Variants in SNX29 observed in about 807,000 individuals in gnomAD.
SNX29 encodes sorting nexin 29, also known as sorting nexin-29.
SNX29 carries 78 observed loss-of-function variants against 102.1 expected under a neutral mutation model. The observed-to-expected ratio is 0.76, with a 90% confidence interval of 0.64 to 0.92. The LOEUF is 0.92. SNX29 is among the 40% of genes least tolerant of loss of function. SNX29 has a pLI of 0.00. For missense variants in SNX29, 1,280 were observed against 1,061.7 expected (o/e 1.21, Z -2.86); for synonymous variants, 580 against 414.5 (o/e 1.40, Z -4.85).
chr16:12,036,280 G>A (rs2057469329), intron 4 of SNX29, among the ~76,000 whole-genome samples: 1 of 149,416 alleles, frequency 6.7e-6, no homozygotes, highest in South Asian at 2.1e-4. Flanking sequence ...TTAGAGATGG[G>A]TTCTTACTAT....
rs1270794104 is a variant in SNX29, at chr16:12,571,906, C to T, written c.*3277C>T. 4 of 1,062,042 alleles carry T rather than the reference C, an allele frequency of 3.8e-6. No individual in the cohort carries two copies. The highest frequency in any genetic ancestry group is 4.6e-6 in the Non-Finnish European group (4 of 877,292). 65.8% of individuals were successfully genotyped at this position (1,062,042 alleles called of 1,614,324 possible). ...CTGAGGTTCAAAGCCCCCTGCATTT[C>T]TCTACTGGCAGGCCCTGGTGAAGGA... On this transcript the variant is annotated 3_prime_UTR_variant, in exon 21 of 21. Transcript: ENST00000566228.
chr16:12,481,633 C>G (rs1423477667), intron 19 of SNX29, among the ~76,000 whole-genome samples: 1 of 151,882 alleles, frequency 6.6e-6, no homozygotes, highest in Non-Finnish European at 1.5e-5. Context: ...CTCCTGGGTT[C>G]AAGTGATTAT....
chr16:12,258,189 A>G (rs1596654741), intron 14 of SNX29, among the ~76,000 whole-genome samples: 1 of 152,054 alleles, frequency 6.6e-6, no homozygotes, highest in East Asian at 1.9e-4. Context: ...TCCTGAGAAT[A>G]AGATATGAAG....
At chr16:11,992,582 G>T in intron 1 of SNX29, among the ~76,000 whole-genome samples, 1 of 150,632 alleles carries the variant, frequency 6.6e-6, no homozygotes, top group Middle Eastern at 3.4e-3. Flanking sequence ...GTTCCCAATT[G>T]TTCAGTGAGC....
intron 18 of SNX29, among the ~76,000 whole-genome samples, chr16:12,431,088 G>A (rs1024323437): frequency 6.6e-6 from 1 of 152,144 alleles, no homozygotes; most frequent in Non-Finnish European, 1.5e-5. Context: ...CTGATCTCAG[G>A]TGATCCACCC....
chr16:12,110,214 G>A (rs2053448736), intron 11 of SNX29, among the ~76,000 whole-genome samples: 1 of 152,054 alleles, frequency 6.6e-6, no homozygotes, highest in East Asian at 1.9e-4. Flanking sequence ...CTGCATCCCT[G>A]CTTGGAGATA....
At chr16:12,324,331 G>A (rs970459295) in intron 15 of SNX29, among the ~76,000 whole-genome samples, 4 of 152,224 alleles carry the variant, frequency 2.6e-5, no homozygotes, top group African/African-American at 9.6e-5. Flanking sequence ...GTCCCAGGAG[G>A]ACTGGGAGGA....
chr16:12,206,256 A>G (rs2077041318), intron 14 of SNX29, among the ~76,000 whole-genome samples: 2 of 152,110 alleles, frequency 1.3e-5, no homozygotes. Flanking sequence ...ATCTGCCTTC[A>G]GGGATGGTTT....
At chr16:12,479,962 CA>C (rs2087829679) in intron 19 of SNX29, among the ~76,000 whole-genome samples, 1 of 152,110 alleles carries the variant, frequency 6.6e-6, no homozygotes, top group African/African-American at 2.4e-5. Flanking sequence ...TAACATTATC[CA>C]GGGGTGCCTG....
intron 19 of SNX29, among the ~76,000 whole-genome samples, chr16:12,524,201 TC>T (rs2090208520): frequency 6.6e-6 from 1 of 152,156 alleles, no homozygotes; most frequent in African/African-American, 2.4e-5. Context: ...TAATAAAACC[TC>T]TTTCTTAATC....
At chr16:11,983,762 T>C in intron 1 of SNX29, 1 of 945,744 alleles carries the variant, frequency 1.1e-6, no homozygotes, top group Middle Eastern at 5.3e-4. Context: ...GGAACTAAAA[T>C]CCAAGATTTT....
chr16:12,224,751 C>G (rs1185623461), intron 14 of SNX29, among the ~76,000 whole-genome samples: 1 of 152,120 alleles, frequency 6.6e-6, no homozygotes, highest in East Asian at 1.9e-4. Flanking sequence ...AGGCACAAAA[C>G]CAGATAGTCC....
At position 12,011,234 on chromosome 16, in the gene SNX29, G is replaced by C. The variant is rs144412146; in HGVS notation, c.122+8191G>C. Reference sequence around the variant, plus strand: ...GAAAAAAGATTATTTCTAGCAATGGGGAACCTCCAGGACGTTTAACAAATC... The same window carrying C: ...GAAAAAAGATTATTTCTAGCAATGGCGAACCTCCAGGACGTTTAACAAATC... On this transcript the variant is annotated intron_variant, in intron 3 of 20. Transcript: ENST00000566228. Among the ~76,000 whole-genome samples, 162 of 150,142 alleles carry C rather than the reference G, an allele frequency of 1.1e-3. 1 individual carries two copies. Among genetic ancestry groups the C allele is most frequent in the African/African-American group, 3.9e-3 (159 of 40,818 alleles).
At position 12,568,818 on chromosome 16, in the gene SNX29, C is replaced by T. The variant is rs1471849135; in HGVS notation, c.*189C>T. ...TCTTCGAGCCGCATGATACCGTGAC[C>T]CGAGAGACCAAGGCAGCACCTCGCT... On this transcript the variant is annotated 3_prime_UTR_variant, in exon 21 of 21. Transcript: ENST00000566228. 4 of 911,212 alleles carry T rather than the reference C, an allele frequency of 4.4e-6. No individual in the cohort carries two copies. The highest frequency in any genetic ancestry group is 6.4e-6 in the Non-Finnish European group (4 of 623,396). The allele number at this position is 911,212 out of a possible 1,614,324, so 56.4% of individuals were successfully genotyped here.
intron 18 of SNX29, among the ~76,000 whole-genome samples, chr16:12,455,962 G>T (rs1265511480): frequency 6.6e-6 from 1 of 152,074 alleles, no homozygotes; most frequent in Non-Finnish European, 1.5e-5. Flanking sequence ...TTCCATCTTG[G>T]TTCTTGCCCT....
chr16:12,542,734 C>G (rs943892957), intron 20 of SNX29, among the ~76,000 whole-genome samples: 1 of 138,252 alleles, frequency 7.2e-6, no homozygotes, highest in East Asian at 2.9e-4. Context: ...AAATCTTGTG[C>G]ATATAAGCAC....
Position 12,559,633 on chromosome 16 carries a change from G to A in SNX29, c.2319-8873G>A, listed in dbSNP as rs183270003. Among the ~76,000 whole-genome samples the A allele has an allele frequency of 2.0e-5, 3 of 152,066 alleles. No homozygotes were observed. The South Asian group carries it at 6.2e-4, about 32-fold the overall frequency. On this transcript the variant is annotated intron_variant, in intron 20 of 20. Transcript: ENST00000566228. ...GCCACGTGACCTTGCACATGGCCCTGTATCCAAATGTAAGCCACATTCTGC... is the reference window on the plus strand; with the variant it reads ...GCCACGTGACCTTGCACATGGCCCTATATCCAAATGTAAGCCACATTCTGC...
intron 3 of SNX29, among the ~76,000 whole-genome samples, chr16:12,005,995 C>T (rs1389351623): frequency 6.6e-6 from 1 of 151,978 alleles, no homozygotes; most frequent in Non-Finnish European, 1.5e-5. Context: ...AAAGTTAATT[C>T]TTTCTGTGAT....
intron 15 of SNX29, among the ~76,000 whole-genome samples, chr16:12,294,081 A>T (rs1178394172): frequency 6.6e-6 from 1 of 152,212 alleles, no homozygotes; most frequent in Non-Finnish European, 1.5e-5. Context: ...ACACCAGGAG[A>T]TGACGGTCAG....
Sources: allele counts gnomAD v4.1 joint callset (sites outside exome capture counted in the v4.1 genomes callset), GRCh38; gene constraint gnomAD v4.1.1; transcripts MANE v1.5; gene names NCBI Gene and HGNC (gene_info 2026-07-23, HGNC 2026-07-21).